ITGB5: variants seen among roughly 807,000 people sequenced by gnomAD.
ITGB5 encodes the protein integrin beta-5.
ITGB5 carries 38 observed loss-of-function variants against 84.8 expected under a neutral mutation model. The observed-to-expected ratio is 0.45, with a 90% CI of 0.35 to 0.59. The LOEUF is 0.59. Among genes scored for constraint, ITGB5 ranks in the 20% least tolerant of loss-of-function variants. ITGB5 has a pLI of 0.01. For synonymous variants in ITGB5, 393 were observed against 414.4 expected (o/e 0.95, Z 0.63); for missense variants, 905 against 1,034.5 (o/e 0.87, Z 1.72).
At chr3:124,863,414 T>G (rs2065334114) in intron 2 of ITGB5, 1 of 152,244 alleles carries the variant, frequency 6.6e-6, no homozygotes, top group Non-Finnish European at 1.5e-5. Context: ...TAGCTATAGG[T>G]TCTTGTTGCC....
chr3:124,825,800 ACT>A (rs1299220585), intron 5 of ITGB5, among the ~76,000 whole-genome samples: 1 of 152,154 alleles, frequency 6.6e-6, no homozygotes, highest in Non-Finnish European at 1.5e-5. Context: ...GGTCAATTTT[ACT>A]CTGTGTAAAT....
chr3:124,814,477 T>TA (rs1359038756), intron 8 of ITGB5, among the ~76,000 whole-genome samples: 1 of 140,142 alleles, frequency 7.1e-6, no homozygotes, highest in African/African-American at 2.6e-5. Context: ...CTTTTCCAAT[T>TA]TAAAAAAAAA....
At chr3:124,771,924 C>T (rs376193879) in intron 11 of ITGB5, among the ~76,000 whole-genome samples, 1 of 152,104 alleles carries the variant, frequency 6.6e-6, no homozygotes, top group South Asian at 2.1e-4. Context: ...GACTTAAAGC[C>T]AATCCTCCAT....
At chr3:124,874,787 C>G (rs1414573420) in intron 1 of ITGB5, among the ~76,000 whole-genome samples, 6 of 152,190 alleles carry the variant, frequency 3.9e-5, no homozygotes, top group Admixed American at 1.3e-4. Context: ...GGTTTTAGGA[C>G]AACCAGATAT....
chr3:124,830,897 T>C (rs1193617642), intron 5 of ITGB5, among the ~76,000 whole-genome samples: 1 of 152,106 alleles, frequency 6.6e-6, no homozygotes, highest in African/African-American at 2.4e-5. Context: ...GGCAAGAGAA[T>C]TGCTTGAACC....
chr3:124,864,600 T>C (rs1201803577), intron 2 of ITGB5, among the ~76,000 whole-genome samples: 1 of 152,024 alleles, frequency 6.6e-6, no homozygotes, highest in African/African-American at 2.4e-5. Flanking sequence ...GACATAAACA[T>C]GGGAACAACA....
chr3:124,900,757 G>A (rs1004199210), intron 1 of ITGB5, among the ~76,000 whole-genome samples: 17 of 152,068 alleles, frequency 1.1e-4, no homozygotes, highest in African/African-American at 3.9e-4. Context: ...TCCCACGGGT[G>A]GCATTTTGTT....
At chr3:124,789,420 C>A (rs2064126288) in intron 10 of ITGB5, among the ~76,000 whole-genome samples, 1 of 149,182 alleles carries the variant, frequency 6.7e-6, no homozygotes. Context: ...TCAGAACCGC[C>A]TCTGACTAGA....
chr3:124,783,012 C>A (rs574975473), intron 10 of ITGB5, among the ~76,000 whole-genome samples: 1 of 150,198 alleles, frequency 6.7e-6, no homozygotes, highest in Non-Finnish European at 1.5e-5. Context: ...TTAAACAGGC[C>A]GGGCATGGTG....
intron 9 of ITGB5, among the ~76,000 whole-genome samples, chr3:124,801,354 G>C (rs1366037871): frequency 1.4e-4 from 21 of 152,122 alleles, no homozygotes; most frequent in Admixed American, 1.4e-3. Context: ...TGGATTTGGG[G>C]CTTTCAAGGT....
At chr3:124,891,604 A>T (rs973460740), upstream of ITGB5, among the ~76,000 whole-genome samples, 2 of 151,714 alleles carry the variant, frequency 1.3e-5, no homozygotes, top group African/African-American at 4.8e-5. Context: ...AAAAAAAAAA[A>T]AAAAAAAGGA....
intron 1 of ITGB5, among the ~76,000 whole-genome samples, chr3:124,897,415 T>A (rs1935124949): frequency 6.6e-6 from 1 of 152,160 alleles, no homozygotes; most frequent in Non-Finnish European, 1.5e-5. Context: ...GCTTCCTTCA[T>A]GTTCTTAGAG....
At chr3:124,853,803 A>G (rs1265649) in intron 3 of ITGB5, among the ~76,000 whole-genome samples, 127,404 of 152,176 alleles carry the variant, frequency 0.84, 53,613 homozygotes, top group African/African-American at 0.92. Flanking sequence ...ATCATTGAGG[A>G]CAGCGGAGAA....
chr3:124,892,270 A>C (rs1477295811), upstream of ITGB5, among the ~76,000 whole-genome samples: 1 of 152,016 alleles, frequency 6.6e-6, no homozygotes, highest in African/African-American at 2.4e-5. Context: ...CTGGGATTAC[A>C]GGAGTGAGCC....
In ITGB5 at chr3:124,821,768, T is replaced by C. The variant is rs189211334; in HGVS notation, c.781-294A>G. Among the ~76,000 whole-genome samples, 401 of 152,312 alleles carry C rather than the reference T, an allele frequency of 2.6e-3. 2 individuals are homozygous for C. Among genetic ancestry groups the C allele is most frequent in the Non-Finnish European group, 5.3e-3 (358 of 68,014 alleles). ...TCCAGCTCATCATACTCTTCTCTGC[T>C]CCTTTCACTGATGACCCCTGAGAGC... On this transcript the variant is annotated intron_variant, in intron 5 of 14. Coordinates refer to ENST00000296181, the MANE Select transcript of ITGB5 (RefSeq NM_002213.5).
chr3:124,834,406 TGAAA>T (rs546824782), intron 5 of ITGB5, among the ~76,000 whole-genome samples: 27 of 127,382 alleles, frequency 2.1e-4, no homozygotes, highest in Admixed American at 5.7e-4. Flanking sequence ...TAAAATCTAC[TGAAA>T]GAAAGAAAGA....
In ITGB5 at chr3:124,828,429, G is replaced by A. The variant is rs186809167; in HGVS notation, c.781-6955C>T. Among the ~76,000 whole-genome samples the A allele has an allele frequency of 1.5e-4, 23 of 152,334 alleles. No homozygotes were observed. The East Asian group carries it at 4.2e-3, about 28-fold the overall frequency. ...GAAATAAGGCAGGCAAAAAAAGAGT[G>A]TATACTAGGCATATGAAATTTGAGT... On this transcript the variant is annotated intron_variant, in intron 5 of 14. Transcript: ENST00000296181.
intron 10 of ITGB5, chr3:124,791,525 G>A (rs1223730605): frequency 6.6e-6 from 1 of 152,246 alleles, no homozygotes; most frequent in East Asian, 1.9e-4. Flanking sequence ...TACTGATAGA[G>A]AGTCCAGTGA....
At chr3:124,846,205 C>T (rs922521488) in intron 4 of ITGB5, among the ~76,000 whole-genome samples, 1 of 152,164 alleles carries the variant, frequency 6.6e-6, no homozygotes, top group African/African-American at 2.4e-5. Flanking sequence ...TTGCTCCTAT[C>T]ACCCAGCCCA....
Sources: allele counts gnomAD v4.1 joint callset (sites outside exome capture counted in the v4.1 genomes callset), GRCh38; gene constraint gnomAD v4.1.1; transcripts MANE v1.5; gene names NCBI Gene and HGNC (gene_info 2026-07-23, HGNC 2026-07-21).